The following INO80 variants were observed in gnomAD, a reference collection of about 807,000 sequenced individuals.
INO80 encodes chromatin-remodeling ATPase INO80.
Under a neutral mutation model 203.4 loss-of-function variants are expected in INO80, and 20 were observed. The observed-to-expected ratio is 0.10, with a 90% confidence interval of 0.07 to 0.14. The LOEUF (loss-of-function observed/expected upper bound fraction) is 0.14, where lower values mean the gene tolerates loss of function less well. Among genes scored for constraint, INO80 ranks in the 10% least tolerant of loss-of-function variants. The probability of loss-of-function intolerance (pLI) is 1.00; values close to 1 mark genes in which losing one functional copy is unlikely to be tolerated. For missense variants in INO80, 1,419 were observed against 1,914.4 expected (o/e 0.74, Z 4.83); for synonymous variants, 726 against 685.2 (o/e 1.06, Z -0.93).
intron 27 of INO80, among the ~76,000 whole-genome samples, chr15:41,010,028 T>C (rs889047474): frequency 6.6e-6 from 1 of 152,240 alleles, no homozygotes; most frequent in Non-Finnish European, 1.5e-5. Flanking sequence ...CTCCGCTTAA[T>C]ATCTACTGGT....
At position 41,085,592 on chromosome 15, in the gene INO80, G is replaced by T. The variant is rs745567739; in HGVS notation, c.659-9C>A. On this transcript the variant is annotated splice_polypyrimidine_tract_variant and intron_variant, in intron 6 of 35. Transcript: ENST00000648947. ...CACTTTTTTCAACTTAGCTGCAAAA[G>T]AAACAGATGCAACAGGTTGCACTTC... The T allele has an allele frequency of 5.0e-6, 8 of 1,610,958 alleles. No homozygotes were observed. Among genetic ancestry groups the T allele is most frequent in the African/African-American group, 1.3e-5 (1 of 74,768 alleles).
At position 41,047,556 on chromosome 15, in the gene INO80, G is replaced by T. The variant is rs559243494; in HGVS notation, c.2642-55C>A. 3.0e-5 allele frequency: 36 copies of T among 1,208,706 alleles called. No individual in the cohort carries two copies. The Admixed American group carries it at 4.2e-4, about 14-fold the overall frequency. 74.9% of individuals were successfully genotyped at this position (1,208,706 alleles called of 1,614,324 possible). A position where few individuals can be genotyped will look rare whatever the true frequency, so the allele number is the denominator to read the frequency against. Reference sequence around the variant, plus strand: ...ACAGCAAACCAAGAGACGATGCTCAGTTAAAGCCTGCTCAACTGCTGAGTT... The same window carrying T: ...ACAGCAAACCAAGAGACGATGCTCATTTAAAGCCTGCTCAACTGCTGAGTT... On this transcript the variant is annotated intron_variant, in intron 22 of 35. Transcript: ENST00000648947.
chr15:41,058,522 A>C, intron 16 of INO80, 117 bp downstream of exon 16: 1 of 944,698 alleles, frequency 1.1e-6, no homozygotes, highest in South Asian at 2.2e-5. Flanking sequence ...AAAACTTCTC[A>C]TATCTTGATT....
intron 9 of INO80, among the ~76,000 whole-genome samples, chr15:41,077,358 G>A (rs1218689700): frequency 4.2e-4 from 49 of 115,584 alleles, no homozygotes; most frequent in Non-Finnish European, 6.1e-4. Context: ...AGGGAATACA[G>A]CAAAAAAAAA....
chr15:40,985,978 G>A (rs2043727545), intron 31 of INO80, among the ~76,000 whole-genome samples: 1 of 151,994 alleles, frequency 6.6e-6, no homozygotes, highest in Non-Finnish European at 1.5e-5. Context: ...TTTAATCTCT[G>A]CTTTGCACAC....
chr15:41,088,087 CTTTTTTTTT>C (rs943111352), intron 5 of INO80, among the ~76,000 whole-genome samples: 1 of 101,082 alleles, frequency 9.9e-6, no homozygotes, highest in African/African-American at 4.0e-5. Context: ...GCTTGCTTTT[CTTTTTTTTT>C]TTTTTTTTTT....
chr15:41,052,025 T>C (rs867534561), intron 19 of INO80, among the ~76,000 whole-genome samples: 1 of 151,642 alleles, frequency 6.6e-6, no homozygotes. Context: ...TATAGTACCA[T>C]CTACTAGGGA....
intron 35 of INO80, 23 bp downstream of exon 35, chr15:40,982,839 G>GCA (rs1431031837): frequency 6.3e-7 from 1 of 1,586,030 alleles, no homozygotes; most frequent in African/African-American, 1.3e-5. Flanking sequence ...AACAAAGTCT[G>GCA]CAGCCACCCT....
rs1207532928 is a variant in INO80 at position 40,987,268 on chromosome 15, A to G, written c.3730-75T>C. The G allele has an allele frequency of 1.9e-5, 17 of 886,212 alleles. No homozygotes were observed. The East Asian group carries it at 4.0e-4, about 21-fold the overall frequency. 54.9% of individuals were successfully genotyped at this position (886,212 alleles called of 1,614,324 possible). Reference sequence around the variant, plus strand: ...GGCAAATATCCAGAAAAAGATACACATCGTTCTCAACCCACTCCTCAGGGG... The same window carrying G: ...GGCAAATATCCAGAAAAAGATACACGTCGTTCTCAACCCACTCCTCAGGGG... On this transcript the variant is annotated intron_variant, in intron 30 of 35. Coordinates refer to ENST00000648947, the MANE Select transcript of INO80 (RefSeq NM_017553.3).
intron 24 of INO80, among the ~76,000 whole-genome samples, chr15:41,035,404 T>G (rs909791312): frequency 6.6e-6 from 1 of 151,834 alleles, no homozygotes; most frequent in Non-Finnish European, 1.5e-5. Context: ...CACCTGCCTG[T>G]AATCCCAGCT....
intron 24 of INO80, among the ~76,000 whole-genome samples, chr15:41,031,957 GCACAGGACAGC>G (rs2044484064): frequency 1.2e-5 from 1 of 83,328 alleles, no homozygotes; most frequent in African/African-American, 3.8e-5. Flanking sequence ...GCACAGCACA[GCACAGGACAGC>G]ACAGCACAGC....
chr15:41,045,900 C>A (rs1476985328), intron 23 of INO80, among the ~76,000 whole-genome samples: 1 of 28,004 alleles, frequency 3.6e-5, no homozygotes, highest in East Asian at 0.011. Context: ...GACTTCATCT[C>A]GGGAAAAAAA....
At chr15:41,042,261 A>ACCTCAT (rs2140513236) in intron 24 of INO80, among the ~76,000 whole-genome samples, 1 of 151,676 alleles carries the variant, frequency 6.6e-6, no homozygotes, top group Non-Finnish European at 1.5e-5. Flanking sequence ...GGATCCGCCC[A>ACCTCAT]CCTCATCCTC....
At position 41,016,468 on chromosome 15, in the gene INO80, C is replaced by T. The variant is rs542413435; in HGVS notation, c.3275-253G>A. Among the ~76,000 whole-genome samples, 3 of 152,334 alleles carry T rather than the reference C, an allele frequency of 2.0e-5. No individual in the cohort carries two copies. In the South Asian group the frequency reaches 6.2e-4, roughly 32 times the overall value. The stretch of plus-strand genomic sequence containing the variant: ...CCCAATCAGACATGTGCTCTTAAGG[C>T]ACTTAAAAGCATCCCTGCTCCACAT... On this transcript the variant is annotated intron_variant, in intron 26 of 35. Coordinates refer to ENST00000648947, the MANE Select transcript of INO80 (RefSeq NM_017553.3).
rs544721777 is a variant in INO80, at chr15:41,049,308, A to G, written c.2555T>C (p.Val852Ala). ...KFIYRHGQIR[V>A]FNHSRDRWLR... Reference sequence around the variant, plus strand: ...CTACCTGTCTCGTGAATGATTGAAGACCCTGATCTGTCCATGACGGTAGAT... The same window carrying G: ...CTACCTGTCTCGTGAATGATTGAAGGCCCTGATCTGTCCATGACGGTAGAT... Residue 852 changes from valine to alanine, a missense_variant, in exon 21 of 36, where the codon GTC (valine) becomes GCC (alanine). Transcript: ENST00000648947. 50 of 1,613,610 alleles carry G rather than the reference A, an allele frequency of 3.1e-5. No individual in the cohort carries two copies. In the East Asian group the frequency reaches 4.5e-4, roughly 14 times the overall value.
In INO80 at chr15:41,027,745, TA is replaced by T; in HGVS notation, c.2908-10del. On this transcript the variant is annotated splice_polypyrimidine_tract_variant and intron_variant, in intron 24 of 35. Transcript: ENST00000648947. ...CTGCTGAAAACAAGAGACTGCAAAA[TA>T]AAAATGCAAATGAATGCCAACTATA... 6.4e-7 allele frequency: 1 copy of T among 1,557,440 alleles called. No homozygotes were observed. The highest frequency in any genetic ancestry group is 1.4e-5 in the African/African-American group (1 of 72,524).
At chr15:40,994,637 T>A (rs568541324) in intron 29 of INO80, among the ~76,000 whole-genome samples, 10 of 152,196 alleles carry the variant, frequency 6.6e-5, no homozygotes, top group Admixed American at 1.3e-4. Context: ...AGTGTTAGGA[T>A]TACAGGTGTG....
At chr15:41,054,661 T>C (rs1307989139) in intron 18 of INO80, among the ~76,000 whole-genome samples, 1 of 152,178 alleles carries the variant, frequency 6.6e-6, no homozygotes, top group Non-Finnish European at 1.5e-5. Flanking sequence ...TCTTTTGAGA[T>C]GGAGTCTGGC....
chr15:40,980,112 C>T lies in INO80; in HGVS notation c.*111G>A, dbSNP rs1304381879. On this transcript the variant is annotated 3_prime_UTR_variant, in exon 36 of 36. Transcript: ENST00000648947. ...CTGTCCTTCCCCTGCTGGACATTTCCACTTCTGACTCAGGATGCAAGATGC... is the reference window on the plus strand; with the variant it reads ...CTGTCCTTCCCCTGCTGGACATTTCTACTTCTGACTCAGGATGCAAGATGC... 10 of 873,412 alleles carry T rather than the reference C, an allele frequency of 1.1e-5. No homozygotes were observed. The highest frequency in any genetic ancestry group is 1.3e-5 in the Non-Finnish European group (7 of 530,216). The allele number at this position is 873,412 out of a possible 1,614,324, so 54.1% of individuals were successfully genotyped here.
Sources: allele counts gnomAD v4.1 joint callset (sites outside exome capture counted in the v4.1 genomes callset), GRCh38; gene constraint gnomAD v4.1.1; transcripts MANE v1.5; gene names NCBI Gene and HGNC (gene_info 2026-07-23, HGNC 2026-07-21).